Variants in SH3GL3 observed in about 807,000 individuals in gnomAD.
SH3GL3 encodes SH3 domain containing GRB2 like 3, endophilin A3.
A neutral mutation model predicts 47.7 loss-of-function variants in SH3GL3; 33 were observed. The ratio of observed to expected loss-of-function variants is 0.69; its 90% CI spans 0.52 to 0.92. SH3GL3 has a LOEUF of 0.92. Among genes scored for constraint, SH3GL3 ranks in the 40% least tolerant of loss-of-function variants. The pLI is 0.00. For missense variants in SH3GL3, 363 were observed against 417.8 expected (o/e 0.87, Z 1.14); for synonymous variants, 155 against 148.8 (o/e 1.04, Z -0.30).
chr15:83,590,886 A>G (rs1463977017), intron 8 of SH3GL3, among the ~76,000 whole-genome samples: 1 of 152,198 alleles, frequency 6.6e-6, no homozygotes, highest in Non-Finnish European at 1.5e-5. Context: ...AATCCTCTTA[A>G]TAGGGTCTTT....
intron 8 of SH3GL3, among the ~76,000 whole-genome samples, chr15:83,610,575 A>C (rs1426809556): frequency 1.3e-5 from 2 of 152,156 alleles, no homozygotes; most frequent in African/African-American, 2.4e-5. Flanking sequence ...AAAAAGAAAA[A>C]GAGTGGGGAT....
chr15:83,606,530 T>C (rs938492293), intron 8 of SH3GL3, among the ~76,000 whole-genome samples: 4 of 152,254 alleles, frequency 2.6e-5, no homozygotes, highest in African/African-American at 7.2e-5. Context: ...CAGCAGGTTG[T>C]TTCTTACATT....
At chr15:83,530,207 A>G (rs951969684) in intron 1 of SH3GL3, among the ~76,000 whole-genome samples, 2 of 152,160 alleles carry the variant, frequency 1.3e-5, no homozygotes, top group Non-Finnish European at 2.9e-5. Flanking sequence ...GGGAGTGTGT[A>G]GAGCACTGTT....
At chr15:83,629,006 C>T in the SH3GL3 span, among the ~76,000 whole-genome samples, 2 of 151,936 alleles carry the variant, frequency 1.3e-5, no homozygotes, top group Non-Finnish European at 2.9e-5. Flanking sequence ...TTTACAATGC[C>T]TTCAGAAAGT....
At chr15:83,579,237 C>T (rs1050498646) in intron 6 of SH3GL3, among the ~76,000 whole-genome samples, 1 of 152,232 alleles carries the variant, frequency 6.6e-6, no homozygotes. Flanking sequence ...CCAAGCTCCG[C>T]AGGGGCTCTG....
intron 1 of SH3GL3, among the ~76,000 whole-genome samples, chr15:83,481,957 G>C (rs943863282): frequency 6.6e-6 from 1 of 152,112 alleles, no homozygotes; most frequent in Non-Finnish European, 1.5e-5. Context: ...CACTAAAGAG[G>C]GGGGAGTCAT....
the SH3GL3 span, among the ~76,000 whole-genome samples, chr15:83,633,071 A>G: frequency 0.075 from 11,402 of 152,304 alleles, 606 homozygotes; most frequent in East Asian, 0.2. Context: ...GAAATGGAGT[A>G]ACTGAAATTT....
At chr15:83,491,478 GA>G (rs2041872984) in intron 1 of SH3GL3, among the ~76,000 whole-genome samples, 2 of 152,190 alleles carry the variant, frequency 1.3e-5, no homozygotes, top group Admixed American at 1.3e-4. Flanking sequence ...AAGTGGTATG[GA>G]TAAGATTTAG....
chr15:83,566,365 AGTGTGTGTGTGTGTGTGT>A lies in SH3GL3; in HGVS notation c.187+1184_187+1201del, dbSNP rs57323112. 1.0e-2 allele frequency among the ~76,000 whole-genome samples: 1,361 copies of A among 136,694 alleles called. 19 individuals carry two copies. The highest frequency in any genetic ancestry group is 0.016 in the Middle Eastern group (4 of 252). The allele number at this position is 136,694 out of a possible 152,430, so 89.7% of individuals were successfully genotyped here. ...GATGGGCAGAGAGAGAGAGAGAGAGAGTGTGTGTGTGTGTGTGTGTGTGTGTGTGTGTGTGTGTGTGTA... is the reference window on the plus strand; with the variant it reads ...GATGGGCAGAGAGAGAGAGAGAGAGAGTGTGTGTGTGTGTGTGTGTGTGTA... On this transcript the variant is annotated intron_variant, in intron 3 of 8. Transcript: ENST00000427482.
At chr15:83,490,276 T>C (rs28615337) in intron 1 of SH3GL3, among the ~76,000 whole-genome samples, 42,517 of 150,592 alleles carry the variant, frequency 0.28, 6,653 homozygotes, top group South Asian at 0.51. Flanking sequence ...TTTTTTTTTT[T>C]TTTTTTTCCG....
At chr15:83,624,321 G>A in the SH3GL3 span, among the ~76,000 whole-genome samples, 336 of 152,166 alleles carry the variant, frequency 2.2e-3, no homozygotes, top group Non-Finnish European at 3.5e-3. Flanking sequence ...CTCCCCCTAC[G>A]GCACCGAGCA....
chr15:83,566,353 A>AGC, intron 3 of SH3GL3, among the ~76,000 whole-genome samples: 1 of 117,178 alleles, frequency 8.5e-6, no homozygotes, highest in East Asian at 2.5e-4. Context: ...GGGCAGAGAG[A>AGC]GAGAGAGAGA....
At chr15:83,463,776 T>TC (rs2040427578) in intron 1 of SH3GL3, among the ~76,000 whole-genome samples, 1 of 147,996 alleles carries the variant, frequency 6.8e-6, no homozygotes, top group East Asian at 2.0e-4. Context: ...TCTTTTTTTT[T>TC]TTTTTTTTTT....
chr15:83,530,098 G>A (rs1035743572), intron 1 of SH3GL3, among the ~76,000 whole-genome samples: 1 of 152,086 alleles, frequency 6.6e-6, no homozygotes, highest in African/African-American at 2.4e-5. Context: ...GGTGCTTCAG[G>A]GATGTCGAGA....
intron 8 of SH3GL3, among the ~76,000 whole-genome samples, chr15:83,593,210 C>G (rs1309590361): frequency 6.6e-6 from 1 of 152,108 alleles, no homozygotes; most frequent in Non-Finnish European, 1.5e-5. Flanking sequence ...TTTTAGAGAT[C>G]AAATTTTCAA....
chr15:83,547,823 G>A (rs1437533169), intron 1 of SH3GL3, among the ~76,000 whole-genome samples: 1 of 139,518 alleles, frequency 7.2e-6, no homozygotes, highest in Non-Finnish European at 1.5e-5. Flanking sequence ...TCTTTTAATT[G>A]GAATATTTAG....
downstream of SH3GL3, among the ~76,000 whole-genome samples, chr15:83,623,117 C>A (rs553916515): frequency 6.6e-6 from 1 of 152,288 alleles, no homozygotes; most frequent in Admixed American, 6.5e-5. Flanking sequence ...ATATAGGTTT[C>A]AAGTGTGAGT....
chr15:83,630,146 G>C, the SH3GL3 span, among the ~76,000 whole-genome samples: 2 of 152,162 alleles, frequency 1.3e-5, no homozygotes, highest in Non-Finnish European at 2.9e-5. Flanking sequence ...TTTGCGTTCC[G>C]CCGTGATTGT....
chr15:83,629,545 T>C, the SH3GL3 span, among the ~76,000 whole-genome samples: 1 of 152,162 alleles, frequency 6.6e-6, no homozygotes, highest in African/African-American at 2.4e-5. Context: ...ATAGCCTGGG[T>C]GCAGTGGCTA....
Sources: allele counts gnomAD v4.1 joint callset (sites outside exome capture counted in the v4.1 genomes callset), GRCh38; gene constraint gnomAD v4.1.1; transcripts MANE v1.5; gene names NCBI Gene and HGNC (gene_info 2026-07-23, HGNC 2026-07-21).